The following FLT3LG variants were observed in gnomAD, a reference collection of about 807,000 sequenced individuals.
FLT3LG encodes the protein fms related receptor tyrosine kinase 3 ligand, also known as fms-related tyrosine kinase 3 ligand.
A neutral mutation model predicts 30.9 loss-of-function variants in FLT3LG; 8 were observed. That is an observed-to-expected ratio of 0.26 (90% CI 0.15 to 0.47). The LOEUF (loss-of-function observed/expected upper bound fraction) is 0.47. FLT3LG is among the 20% of genes least tolerant of loss of function. The pLI, the probability that FLT3LG is intolerant of heterozygous loss-of-function variation, is 0.99. For synonymous variants in FLT3LG, 123 were observed against 135.9 expected, an observed-to-expected ratio of 0.91 and a Z score of 0.66; for missense variants, 278 against 306.2, an observed-to-expected ratio of 0.91 and a Z score of 0.69.
rs372857705 is a variant in FLT3LG, at chr19:49,478,913, C to G, written c.347C>G (p.Pro116Arg). ...HFVTKCAFQP[P>R]PSCLRFVQTN... is the part of the protein sequence containing the mutation. Reference sequence around the variant, plus strand: ...GTCTCCCTCCCCTGCTCCCAGCCCCCCCCCAGCTGTCTTCGCTTCGTCCAG... The same window carrying G: ...GTCTCCCTCCCCTGCTCCCAGCCCCGCCCCAGCTGTCTTCGCTTCGTCCAG... The change falls in exon 6 of 9, where the codon CCC becomes CGC. Residue 116 changes from proline to arginine, a missense_variant. Physicochemically the swap from Pro to Arg is moderately radical, Grantham distance 103. This residue lies in a region of FLT3LG where 170 missense variants were observed against 162.0 expected (regional missense o/e 1.05). Transcript: ENST00000597551. 2.6e-6 allele frequency: 4 copies of G among 1,533,496 alleles called. No homozygotes were observed. Among genetic ancestry groups the G allele is most frequent in the Non-Finnish European group, 3.5e-6 (4 of 1,137,910 alleles). The allele number at this position is 1,533,496 out of a possible 1,614,324, so 95.0% of individuals were successfully genotyped here. A position where few individuals can be genotyped will look rare whatever the true frequency, so the allele number is the denominator to read the frequency against.
intron 8 of FLT3LG, chr19:49,481,859 T>A (rs1329984209): frequency 6.6e-6 from 1 of 151,404 alleles, no homozygotes; most frequent in Non-Finnish European, 1.5e-5. Context: ...GCCTGGCTAA[T>A]TTTTTGTATT....
At chr19:49,474,524 G>A (rs529828729) in intron 1 of FLT3LG, 79 bp from the exon 2 acceptor site, 17 of 1,014,878 alleles carry the variant, frequency 1.7e-5, no homozygotes, top group East Asian at 5.0e-5. Flanking sequence ...GGACGCGGGA[G>A]GGGCGGGGAG....
At chr19:49,477,353 A>G (rs1430115954) in intron 5 of FLT3LG, among the ~76,000 whole-genome samples, 7 of 151,302 alleles carry the variant, frequency 4.6e-5, no homozygotes, top group Admixed American at 1.3e-4. Flanking sequence ...CTGAGGTGGG[A>G]GGATCACTTG....
At chr19:49,475,126 AG>A (rs1336420082) in intron 2 of FLT3LG, among the ~76,000 whole-genome samples, 1 of 49,328 alleles carries the variant, frequency 2.0e-5, no homozygotes, top group African/African-American at 8.5e-5. Flanking sequence ...GATGGACAGG[AG>A]GGGGAGATGG....
At chr19:49,483,866 CAAAAAAAAA>C (rs34619675) in intron 8 of FLT3LG, among the ~76,000 whole-genome samples, 7 of 50,090 alleles carry the variant, frequency 1.4e-4, no homozygotes, top group Non-Finnish European at 3.0e-4. Flanking sequence ...GACTCTGTCT[CAAAAAAAAA>C]AAAAAAAAAA....
Position 49,476,818 on chromosome 19 carries a change from C to T in FLT3LG, c.342+252C>T. On this transcript the variant is annotated intron_variant, in intron 5 of 8. Coordinates refer to ENST00000597551, the MANE Select transcript of FLT3LG (RefSeq NM_001459.4). The surrounding 1 kb of genome is among the most constrained non-coding windows in gnomAD (Gnocchi z 5.3). ...TGATGAAGGGTGCCACTGAGGGGTT[C>T]TTCCCCCAAAAAAAAACAGGGAGAG... 1 of 460,710 alleles carries T rather than the reference C, an allele frequency of 2.2e-6. No individual in the cohort carries two copies. Among genetic ancestry groups the T allele is most frequent in the South Asian group, 2.5e-5 (1 of 40,762 alleles). The allele number at this position is 460,710 out of a possible 1,614,324, so 28.5% of individuals were successfully genotyped here.
rs188922376 is a variant in FLT3LG, at chr19:49,478,276, G to A, written c.343-633G>A. Reference sequence around the variant, plus strand: ...AGGTCAGGAGATCAAGACCATCCTGGCTAACACAATGAAACCCCATCTCTA... The same window carrying A: ...AGGTCAGGAGATCAAGACCATCCTGACTAACACAATGAAACCCCATCTCTA... On this transcript the variant is annotated intron_variant, in intron 5 of 8. Coordinates refer to ENST00000597551, the MANE Select transcript of FLT3LG (RefSeq NM_001459.4). 4.3e-3 allele frequency among the ~76,000 whole-genome samples: 647 copies of A among 151,718 alleles called. 3 individuals carry two copies. The highest frequency in any genetic ancestry group is 7.4e-3 in the Non-Finnish European group (501 of 67,932).
At chr19:49,482,876 C>T (rs1175725240) in intron 8 of FLT3LG, among the ~76,000 whole-genome samples, 3 of 152,112 alleles carry the variant, frequency 2.0e-5, no homozygotes, top group East Asian at 1.9e-4. Context: ...ATCCACCCGC[C>T]TCAGCCTCCC....
intron 6 of FLT3LG, chr19:49,479,659 A>G: frequency 5.0e-6 from 1 of 201,028 alleles, no homozygotes. Context: ...CTGCCACCTC[A>G]CGCGGCTAAT....
rs1473683583 is a variant in FLT3LG at position 49,474,612 on chromosome 19, C to G, written c.-28C>G. Reference sequence around the variant, plus strand: ...TTCTGTCCCTTCCAAGACCCGGCGACAGGAGGCATGAGGGGCCCCCGGCCG... The same window carrying G: ...TTCTGTCCCTTCCAAGACCCGGCGAGAGGAGGCATGAGGGGCCCCCGGCCG... On this transcript the variant is annotated 5_prime_UTR_variant, in exon 2 of 9. Transcript: ENST00000597551. 1 of 1,611,982 alleles carries G rather than the reference C, an allele frequency of 6.2e-7. No individual in the cohort carries two copies. Among genetic ancestry groups the G allele is most frequent in the Non-Finnish European group, 8.5e-7 (1 of 1,179,402 alleles).
rs772452001 is a variant in FLT3LG at position 49,476,244 on chromosome 19, ACTCAAGATGCT to A, written c.198+48_198+58del. On this transcript the variant is annotated intron_variant, in intron 4 of 8. Transcript: ENST00000597551. The surrounding 1 kb of genome is among the most constrained non-coding windows in gnomAD (Gnocchi z 5.3). ...CCTGGGATGGAGGTGGGGACCACAG[ACTCAAGATGCT>A]CCACCGAGGCGAGTGGATAACCAGG... The A allele has an allele frequency of 5.8e-6, 9 of 1,538,948 alleles. No homozygotes were observed. The highest frequency in any genetic ancestry group is 1.7e-5 in the Admixed American group (1 of 59,864).
rs532941575 is a variant in FLT3LG, at chr19:49,478,336, A to G, written c.343-573A>G. Among the ~76,000 whole-genome samples the G allele has an allele frequency of 3.6e-4, 54 of 151,606 alleles. 1 individual carries two copies. The highest frequency in any genetic ancestry group is 3.1e-3 in the East Asian group (16 of 5,094). On this transcript the variant is annotated intron_variant, in intron 5 of 8. Transcript: ENST00000597551. Reference sequence around the variant, plus strand: ...CAAACAATTAGCCGGGCGTGGTGGCAGGCGCCTGTAGTCCCAACTACCTGG... The same window carrying G: ...CAAACAATTAGCCGGGCGTGGTGGCGGGCGCCTGTAGTCCCAACTACCTGG...
rs975410764 is a variant in FLT3LG, at chr19:49,476,036, C to T, written c.145-109C>T. The T allele has an allele frequency of 1.2e-5, 15 of 1,290,858 alleles. No homozygotes were observed. Among genetic ancestry groups the T allele is most frequent in the Non-Finnish European group, 1.7e-5 (15 of 890,986 alleles). 80.0% of individuals were successfully genotyped at this position (1,290,858 alleles called of 1,614,324 possible). ...TTCTGTGGCTTCTTCTGGGCTCCCC[C>T]TCTCTTGGTCTTGTCCCTCTCTCTC... On this transcript the variant is annotated intron_variant, in intron 3 of 8. Coordinates refer to ENST00000597551, the MANE Select transcript of FLT3LG (RefSeq NM_001459.4). The surrounding 1 kb of genome is among the most constrained non-coding windows in gnomAD (Gnocchi z 5.3).
At position 49,476,434 on chromosome 19, in the gene FLT3LG, C is replaced by G; in HGVS notation, c.210C>G (p.Cys70Trp). The change falls in exon 5 of 9, where the codon TGC (cysteine) becomes TGG (tryptophan). Residue 70 changes from cysteine to tryptophan, a missense_variant. Around this residue, in one of 3 missense-constraint regions of FLT3LG, gnomAD observed 68 missense variants for 110.0 expected, o/e 0.62. Transcript: ENST00000597551. The surrounding 1 kb of genome is among the most constrained non-coding windows in gnomAD (Gnocchi z 5.3). ...VASNLQDEEL[C>W]GGLWRLVLAQ... ...GTTCTCCCCTCTAGGAGGAGCTCTG[C>G]GGGGGCCTCTGGCGGCTGGTCCTGG... The G allele has an allele frequency of 6.2e-7, 1 of 1,613,212 alleles. No individual in the cohort carries two copies. The highest frequency in any genetic ancestry group is 8.5e-7 in the Non-Finnish European group (1 of 1,179,682).
In FLT3LG at chr19:49,476,314, T is replaced by C. The variant is rs3745307; in HGVS notation, c.199-109T>C. 6.9e-7 allele frequency: 1 copy of C among 1,454,378 alleles called. No homozygotes were observed. The highest frequency in any genetic ancestry group is 9.6e-7 in the Non-Finnish European group (1 of 1,044,444). 90.1% of individuals were successfully genotyped at this position (1,454,378 alleles called of 1,614,324 possible). A position where few individuals can be genotyped will look rare whatever the true frequency, so the allele number is the denominator to read the frequency against. ...TCCCCAAACCCAGGAATCAGAGTCCTCAGCCCCTCCTCCCTCAGACCCAGG... is the reference window on the plus strand; with the variant it reads ...TCCCCAAACCCAGGAATCAGAGTCCCCAGCCCCTCCTCCCTCAGACCCAGG... On this transcript the variant is annotated intron_variant, in intron 4 of 8. Transcript: ENST00000597551. The surrounding 1 kb of genome is among the most constrained non-coding windows in gnomAD (Gnocchi z 5.3).
At chr19:49,478,795 G>A (rs546713192) in intron 5 of FLT3LG, 114 bp from the exon 6 acceptor site, 2 of 936,532 alleles carry the variant, frequency 2.1e-6, no homozygotes, top group South Asian at 2.4e-5. Context: ...AACTCTGAGA[G>A]CCAGAGCTCA....
At chr19:49,481,986 C>G (rs1028624271) in intron 8 of FLT3LG, 1 of 151,848 alleles carries the variant, frequency 6.6e-6, no homozygotes, top group African/African-American at 2.4e-5. Flanking sequence ...AGCCACTGTT[C>G]CTGGCCCATG....
Position 49,480,376 on chromosome 19 carries a change from T to C in FLT3LG, c.560T>C (p.Leu187Pro). 1 of 1,610,432 alleles carries C rather than the reference T, an allele frequency of 6.2e-7. No individual in the cohort carries two copies. The highest frequency in any genetic ancestry group is 8.5e-7 in the Non-Finnish European group (1 of 1,178,752). ...TAPTAPQPPL[L>P]LLLLLPVGLL... ...CCGACAGCCCCGCAGCCCCCTCTGCTCCTCCTACTGCTGCTGCCCGTGGGC... is the reference window on the plus strand; with the variant it reads ...CCGACAGCCCCGCAGCCCCCTCTGCCCCTCCTACTGCTGCTGCCCGTGGGC... The change falls in exon 7 of 9, where the codon CTC (leucine) becomes CCC (proline). Residue 187 changes from leucine (L) to proline (P), a missense_variant. Around this residue, in one of 3 missense-constraint regions of FLT3LG, gnomAD observed 170 missense variants for 162.0 expected, o/e 1.05. Coordinates refer to ENST00000597551, the MANE Select transcript of FLT3LG (RefSeq NM_001459.4).
rs1220879757 is a variant in FLT3LG, at chr19:49,476,052, C to CCT, written c.145-84_145-83dup. On this transcript the variant is annotated intron_variant, in intron 3 of 8. Coordinates refer to ENST00000597551, the MANE Select transcript of FLT3LG (RefSeq NM_001459.4). This position sits in a 1 kb window ranked among gnomAD's most constrained non-coding sequence, Gnocchi z 5.3. ...GGGCTCCCCCTCTCTTGGTCTTGTC[C>CCT]CTCTCTCTCTGGATCTCTGCTGCCA... The CCT allele has an allele frequency of 7.1e-7, 1 of 1,416,730 alleles. No homozygotes were observed. Among genetic ancestry groups the CCT allele is most frequent in the Non-Finnish European group, 1.0e-6 (1 of 1,002,984 alleles). The allele number at this position is 1,416,730 out of a possible 1,614,324, so 87.8% of individuals were successfully genotyped here.
Sources: gnomAD v4.1 joint callset for allele counts (sites outside exome capture counted in the v4.1 genomes callset) on GRCh38, gnomAD v4.1.1 for gene constraint, gnomAD v4.1.1 regional missense constraint, Gnocchi (gnomAD v3.1) non-coding constraint, MANE v1.5 for transcripts, NCBI Gene and HGNC (gene_info 2026-07-23, HGNC 2026-07-21) for gene names.